COL24A1: variants seen among roughly 807,000 people sequenced by gnomAD.
The protein encoded by COL24A1 is collagen alpha-1(XXIV) chain.
Under a neutral mutation model 253.9 loss-of-function variants are expected in COL24A1, and 224 were observed. That is an observed-to-expected ratio of 0.88 (90% CI 0.79 to 0.99). The LOEUF is 0.99. Ranked by LOEUF, COL24A1 falls within the 50% of genes least tolerant of loss-of-function variation. The pLI, the probability that COL24A1 is intolerant of heterozygous loss-of-function variation, is 0.00. For missense variants in COL24A1, 2,131 were observed against 2,068.5 expected, an observed-to-expected ratio of 1.03 and a Z score of -0.59; for synonymous variants, 685 against 673.7, an observed-to-expected ratio of 1.02 and a Z score of -0.26.
At chr1:86,038,347 T>C (rs902134029) in intron 12 of COL24A1, among the ~76,000 whole-genome samples, 4 of 152,172 alleles carry the variant, frequency 2.6e-5, no homozygotes, top group African/African-American at 9.7e-5. Context: ...AATTTCTCTT[T>C]CCTTTTATCA....
intron 28 of COL24A1, among the ~76,000 whole-genome samples, chr1:85,899,978 T>C (rs551449393): frequency 5.9e-5 from 9 of 152,214 alleles, no homozygotes; most frequent in Non-Finnish European, 1.2e-4. Flanking sequence ...GAAATGAGGT[T>C]AATCCCGTCA....
chr1:86,076,275 GA>G (rs1339283034), intron 7 of COL24A1, among the ~76,000 whole-genome samples: 4 of 152,116 alleles, frequency 2.6e-5, no homozygotes, highest in African/African-American at 9.7e-5. Flanking sequence ...AATCATGAGT[GA>G]ACTCCCATTC....
At chr1:85,967,631 G>T (rs1558834051) in intron 22 of COL24A1, among the ~76,000 whole-genome samples, 1 of 152,124 alleles carries the variant, frequency 6.6e-6, no homozygotes, top group Non-Finnish European at 1.5e-5. Flanking sequence ...AAGATCACTG[G>T]GGGAGAGCAA....
At chr1:85,876,986 A>G (rs1681245273) in intron 33 of COL24A1, 136 bp downstream of exon 33, 2 of 545,462 alleles carry the variant, frequency 3.7e-6, no homozygotes, top group East Asian at 6.8e-5. Context: ...CTTTTAATGG[A>G]ATTTTAGTTT....
intron 19 of COL24A1, among the ~76,000 whole-genome samples, chr1:86,001,451 G>C (rs1450612156): frequency 1.3e-5 from 2 of 152,196 alleles, no homozygotes; most frequent in Admixed American, 6.5e-5. Flanking sequence ...TGGTTAAGTT[G>C]AGAGGTATGA....
intron 55 of COL24A1, among the ~76,000 whole-genome samples, chr1:85,757,830 C>T (rs1482596051): frequency 6.6e-6 from 1 of 152,120 alleles, no homozygotes; most frequent in Non-Finnish European, 1.5e-5. Flanking sequence ...TAAGTGCCCA[C>T]ATCGAAGTAT....
At chr1:86,017,950 G>A (rs1035689110) in intron 18 of COL24A1, among the ~76,000 whole-genome samples, 3 of 152,186 alleles carry the variant, frequency 2.0e-5, no homozygotes, top group Middle Eastern at 3.4e-3. Context: ...GCTAGTTTCT[G>A]ACATTCATGA....
At position 86,063,771 on chromosome 1, in the gene COL24A1, T is replaced by C; in HGVS notation, c.1708-12A>G. The C allele has an allele frequency of 1.3e-6, 2 of 1,526,062 alleles. No individual in the cohort carries two copies. Among genetic ancestry groups the C allele is most frequent in the South Asian group, 2.7e-5 (2 of 74,192 alleles). The allele number at this position is 1,526,062 out of a possible 1,614,324, so 94.5% of individuals were successfully genotyped here. On this transcript the variant is annotated splice_polypyrimidine_tract_variant and intron_variant, in intron 7 of 59. Coordinates refer to ENST00000370571, the MANE Select transcript of COL24A1 (RefSeq NM_152890.7). ...TGTCCTTTGAGACCCTGTAAAAGAA[T>C]AAGTGGAGACATGCTATGAAAAGTA...
chr1:85,786,398 C>G lies in COL24A1; in HGVS notation c.4015G>C (p.Gly1339Arg), dbSNP rs937799451. ...GGGCTTCCTGGCAAGCCTGATGAAC[C>G]CTTTACTCCTGGAGGACCTGGAGCC... ...AGAPGPPGVK[G>R]SSGLPGSPGI... The change falls in exon 48 of 60, where the codon GGT (glycine) becomes CGT (arginine). Residue 1339 changes from glycine (G) to arginine (R), a missense_variant. Physicochemically the swap from Gly to Arg is moderately radical, Grantham distance 125 (BLOSUM62 -2). Transcript: ENST00000370571. 3 of 1,613,732 alleles carry G rather than the reference C, an allele frequency of 1.9e-6. No individual in the cohort carries two copies. Among genetic ancestry groups the G allele is most frequent in the Non-Finnish European group, 2.5e-6 (3 of 1,179,808 alleles).
chr1:85,995,223 G>C (rs1003594681), intron 19 of COL24A1, among the ~76,000 whole-genome samples: 1 of 151,938 alleles, frequency 6.6e-6, no homozygotes, highest in Non-Finnish European at 1.5e-5. Flanking sequence ...ATGATCACAG[G>C]TGTGTGCCAC....
At chr1:85,804,925 T>C (rs1304962666) in intron 47 of COL24A1, among the ~76,000 whole-genome samples, 1 of 152,114 alleles carries the variant, frequency 6.6e-6, no homozygotes, top group Non-Finnish European at 1.5e-5. Context: ...TACTTCACTG[T>C]AGCCTCTAAC....
At chr1:85,847,105 C>A (rs7530839) in intron 39 of COL24A1, among the ~76,000 whole-genome samples, 1 of 151,952 alleles carries the variant, frequency 6.6e-6, no homozygotes, top group Admixed American at 6.6e-5. Flanking sequence ...TAAATACATT[C>A]GCAATATAAT....
chr1:85,816,189 T>C (rs1673025274), intron 47 of COL24A1, among the ~76,000 whole-genome samples: 1 of 152,136 alleles, frequency 6.6e-6, no homozygotes, highest in Non-Finnish European at 1.5e-5. Flanking sequence ...GTGATTGTCC[T>C]CACAGGGGTA....
intron 57 of COL24A1, among the ~76,000 whole-genome samples, chr1:85,740,991 C>A (rs1293244333): frequency 5.4e-5 from 7 of 129,302 alleles, no homozygotes; most frequent in African/African-American, 2.0e-4. Context: ...TCGTGGCTGG[C>A]GCCTATAATC....
chr1:85,776,204 A>G (rs921464665), intron 52 of COL24A1, among the ~76,000 whole-genome samples: 2 of 152,104 alleles, frequency 1.3e-5, no homozygotes, highest in Admixed American at 6.6e-5. Context: ...TCCATGGATT[A>G]TTTAGAAGTG....
At chr1:85,804,905 G>T (rs964824907) in intron 47 of COL24A1, among the ~76,000 whole-genome samples, 1 of 151,858 alleles carries the variant, frequency 6.6e-6, no homozygotes, top group African/African-American at 2.4e-5. Context: ...GGAGTGCAGT[G>T]GCATGATGAT....
intron 3 of COL24A1, among the ~76,000 whole-genome samples, chr1:86,124,541 GA>G (rs551059403): frequency 5.1e-4 from 78 of 151,808 alleles, no homozygotes; most frequent in African/African-American, 1.7e-3. Flanking sequence ...TTTAGCAGTT[GA>G]AATCCTGATT....
intron 35 of COL24A1, among the ~76,000 whole-genome samples, chr1:85,869,708 G>A (rs1280166872): frequency 1.3e-5 from 2 of 152,100 alleles, no homozygotes; most frequent in African/African-American, 2.4e-5. Flanking sequence ...CACTAAACAC[G>A]GAAAGGAACA....
At chr1:86,108,762 G>T (rs955013875) in intron 5 of COL24A1, among the ~76,000 whole-genome samples, 3 of 150,514 alleles carry the variant, frequency 2.0e-5, no homozygotes, top group African/African-American at 7.3e-5. Flanking sequence ...AGCCGAGATC[G>T]CACCATTGTA....
Sources: gnomAD v4.1 joint callset for allele counts (sites outside exome capture counted in the v4.1 genomes callset) on GRCh38, gnomAD v4.1.1 for gene constraint, MANE v1.5 for transcripts, NCBI Gene and HGNC (gene_info 2026-07-23, HGNC 2026-07-21) for gene names.